Variants in TMEM232 observed in about 807,000 individuals in gnomAD.
The protein encoded by TMEM232 is transmembrane protein 232.
TMEM232 carries 80 observed loss-of-function variants against 78.8 expected under a neutral mutation model. The ratio of observed to expected loss-of-function variants is 1.01; its 90% CI spans 0.85 to 1.22. TMEM232 has a LOEUF of 1.22. Ranked by LOEUF, TMEM232 falls within the 50% of genes most tolerant of loss-of-function variation. The pLI, the probability that TMEM232 is intolerant of heterozygous loss-of-function variation, is 0.00. For missense variants in TMEM232, 881 were observed against 742.2 expected (o/e 1.19, Z -2.17); for synonymous variants, 297 against 254.3 (o/e 1.17, Z -1.60).
At chr5:110,507,903 G>C (rs1311170984) in intron 12 of TMEM232, among the ~76,000 whole-genome samples, 1 of 152,122 alleles carries the variant, frequency 6.6e-6, no homozygotes, top group African/African-American at 2.4e-5. Flanking sequence ...AAGAGGCAAA[G>C]AAAAATTACT....
At chr5:110,642,843 T>C (rs975355030) in intron 2 of TMEM232, among the ~76,000 whole-genome samples, 2 of 151,966 alleles carry the variant, frequency 1.3e-5, no homozygotes, top group African/African-American at 4.8e-5. Flanking sequence ...GTCAAAGAGG[T>C]AGCAAGTAGC....
intron 12 of TMEM232, among the ~76,000 whole-genome samples, chr5:110,476,559 T>C (rs1453609434): frequency 2.6e-5 from 4 of 152,196 alleles, no homozygotes; most frequent in Admixed American, 6.6e-5. Context: ...ATAGAGTTCA[T>C]AATAAAATTC....
intron 2 of TMEM232, among the ~76,000 whole-genome samples, chr5:110,652,041 G>T (rs532801254): frequency 6.6e-6 from 1 of 152,182 alleles, no homozygotes; most frequent in East Asian, 1.9e-4. Context: ...TTTACAAGAA[G>T]AAATAGGAGG....
chr5:110,671,876 C>T (rs766107038), intron 1 of TMEM232, among the ~76,000 whole-genome samples: 2 of 151,882 alleles, frequency 1.3e-5, no homozygotes, highest in Non-Finnish European at 2.9e-5. Context: ...CACATGTATC[C>T]CAAAACTTAA....
At chr5:110,417,005 C>T (rs1211075895), downstream of TMEM232, among the ~76,000 whole-genome samples, 3 of 151,996 alleles carry the variant, frequency 2.0e-5, no homozygotes, top group African/African-American at 7.3e-5. Flanking sequence ...ACTAGTGAAA[C>T]TTAAAACCTT....
intron 12 of TMEM232, among the ~76,000 whole-genome samples, chr5:110,520,050 T>TATATATATAGAGAGAG (rs374219408): frequency 6.9e-4 from 102 of 147,252 alleles, no homozygotes; most frequent in African/African-American, 2.4e-3. Context: ...TATATATATA[T>TATATATATAGAGAGAG]AGAGAGAGAG....
At position 110,721,671 on chromosome 5, in the gene TMEM232, G is replaced by GTATATATATATATATA. The variant is rs1192575850; in HGVS notation, c.-13+4955_-13+4956insTATATATATATATATA. On this transcript the variant is annotated intron_variant, in intron 1 of 13. Transcript: ENST00000455884. ...CTGCATATCATGTGTGTGTGTGTGT[G>GTATATATATATATATA]TGTATATATATATCTGTGTGTGTTA... Among the ~76,000 whole-genome samples the GTATATATATATATATA allele has an allele frequency of 4.4e-3, 103 of 23,398 alleles. 5 individuals are homozygous for GTATATATATATATATA. The highest frequency in any genetic ancestry group is 7.9e-3 in the African/African-American group (98 of 12,466). 15.3% of individuals were successfully genotyped at this position (23,398 alleles called of 152,430 possible). A position where few individuals can be genotyped will look rare whatever the true frequency, so the allele number is the denominator to read the frequency against.
At chr5:110,483,815 C>A (rs1159440526) in intron 12 of TMEM232, among the ~76,000 whole-genome samples, 1 of 151,868 alleles carries the variant, frequency 6.6e-6, no homozygotes, top group Non-Finnish European at 1.5e-5. Context: ...GGTATATACC[C>A]CAAAGGAAAA....
chr5:110,472,750 A>G (rs966794748), intron 12 of TMEM232, among the ~76,000 whole-genome samples: 2 of 152,042 alleles, frequency 1.3e-5, no homozygotes, highest in Non-Finnish European at 2.9e-5. Context: ...GACAGTATAG[A>G]GAGCCCAGAA....
chr5:110,594,262 G>A (rs1319602491), intron 10 of TMEM232, among the ~76,000 whole-genome samples: 1 of 152,034 alleles, frequency 6.6e-6, no homozygotes, highest in African/African-American at 2.4e-5. Flanking sequence ...ATGAGAAACT[G>A]TGCTATCCAG....
At chr5:110,699,539 A>T (rs1795198003) in intron 1 of TMEM232, among the ~76,000 whole-genome samples, 1 of 152,098 alleles carries the variant, frequency 6.6e-6, no homozygotes, top group Non-Finnish European at 1.5e-5. Flanking sequence ...TGGCTCAAGA[A>T]TTAAGCAGAA....
chr5:110,400,518 A>T (rs1755550208), intron 2 of TMEM232, among the ~76,000 whole-genome samples: 1 of 152,018 alleles, frequency 6.6e-6, no homozygotes, highest in Non-Finnish European at 1.5e-5. Flanking sequence ...AATCCAGATT[A>T]AAAAAATATA....
At chr5:110,513,893 A>T (rs1368097208) in intron 12 of TMEM232, 1 of 170,266 alleles carries the variant, frequency 5.9e-6, no homozygotes, top group Non-Finnish European at 1.5e-5. Flanking sequence ...CAAAAATTGC[A>T]ATTAGGTTTG....
chr5:110,484,815 T>A (rs1764284280), intron 12 of TMEM232, among the ~76,000 whole-genome samples: 1 of 152,048 alleles, frequency 6.6e-6, no homozygotes, highest in South Asian at 2.1e-4. Flanking sequence ...CATCTAATAA[T>A]AGCCTCAAAA....
At chr5:110,722,448 T>C (rs1797739538) in intron 1 of TMEM232, among the ~76,000 whole-genome samples, 1 of 152,110 alleles carries the variant, frequency 6.6e-6, no homozygotes, top group African/African-American at 2.4e-5. Context: ...ACTAGGATTG[T>C]AGGATCCACT....
intron 2 of TMEM232, among the ~76,000 whole-genome samples, chr5:110,661,974 C>T (rs887344212): frequency 4.6e-5 from 7 of 151,948 alleles, no homozygotes; most frequent in African/African-American, 1.7e-4. Context: ...AGATCTTTTG[C>T]CCATATTTCA....
At chr5:110,692,069 C>T (rs900939765) in intron 1 of TMEM232, among the ~76,000 whole-genome samples, 2 of 152,052 alleles carry the variant, frequency 1.3e-5, no homozygotes, top group Non-Finnish European at 2.9e-5. Context: ...TACAGGCGCC[C>T]GCCACCACGC....
chr5:110,468,863 A>C (rs1762373127), intron 12 of TMEM232, among the ~76,000 whole-genome samples: 1 of 152,198 alleles, frequency 6.6e-6, no homozygotes, highest in African/African-American at 2.4e-5. Flanking sequence ...AAATAACTAA[A>C]GGAGAGTACT....
chr5:110,687,068 A>G (rs1455939911), intron 1 of TMEM232, among the ~76,000 whole-genome samples: 1 of 152,120 alleles, frequency 6.6e-6, no homozygotes, highest in Non-Finnish European at 1.5e-5. Flanking sequence ...TCTCTGTCCT[A>G]GATTAATACA....
Sources: allele counts gnomAD v4.1 joint callset (sites outside exome capture counted in the v4.1 genomes callset), GRCh38; gene constraint gnomAD v4.1.1; transcripts MANE v1.5; gene names NCBI Gene and HGNC (gene_info 2026-07-23, HGNC 2026-07-21).